The following MRPS9 variants were observed in gnomAD, a reference collection of about 807,000 sequenced individuals.
The protein encoded by MRPS9 is small ribosomal subunit protein uS9m.
Under a neutral mutation model 59.9 loss-of-function variants are expected in MRPS9, and 45 were observed. That is an observed-to-expected ratio of 0.75 (90% CI 0.59 to 0.96). The LOEUF is 0.96. MRPS9 is among the 40% of genes least tolerant of loss of function. The probability of loss-of-function intolerance (pLI) is 0.00; values close to 1 mark genes in which losing one functional copy is unlikely to be tolerated. For synonymous variants in MRPS9, 171 were observed against 166.8 expected, an observed-to-expected ratio of 1.03 and a Z score of -0.19; for missense variants, 473 against 481.1, an observed-to-expected ratio of 0.98 and a Z score of 0.16.
In MRPS9 at chr2:105,043,419, C is replaced by T. The variant is rs147943014; in HGVS notation, c.135+5192C>T. On this transcript the variant is annotated intron_variant, in intron 1 of 10. Transcript: ENST00000258455. ...AGTTGAGAAGACCTAGCTATAGTCC[C>T]GAATAATCTGGGGCACCTGACTCAA... Among the ~76,000 whole-genome samples, 24 of 152,136 alleles carry T rather than the reference C, an allele frequency of 1.6e-4. 1 individual carries two copies. The South Asian group carries it at 3.9e-3, about 25-fold the overall frequency.
intron 2 of MRPS9, among the ~76,000 whole-genome samples, chr2:105,057,866 C>T (rs1400854429): frequency 6.6e-6 from 1 of 152,126 alleles, no homozygotes; most frequent in Non-Finnish European, 1.5e-5. Flanking sequence ...TACAGACTTG[C>T]ACTTGCGTTT....
chr2:105,054,545 G>A (rs887223899), intron 2 of MRPS9, among the ~76,000 whole-genome samples: 10 of 152,120 alleles, frequency 6.6e-5, no homozygotes, highest in Non-Finnish European at 1.3e-4. Context: ...GATCGGCTTC[G>A]CTGACTCTTG....
rs76408758 is a variant in MRPS9 at position 105,043,121 on chromosome 2, C to T, written c.135+4894C>T. Among the ~76,000 whole-genome samples the T allele has an allele frequency of 2.7e-3, 416 of 152,264 alleles. 4 individuals are homozygous for T. Among genetic ancestry groups the T allele is most frequent in the Non-Finnish European group, 4.4e-3 (296 of 68,020 alleles). ...AACAGTAATTTCTTATCATCTATTA[C>T]CTATTTCATGTTCAAATTTCCCTGA... On this transcript the variant is annotated intron_variant, in intron 1 of 10. Transcript: ENST00000258455.
At chr2:105,098,994 C>T (rs1680731967) in intron 10 of MRPS9, among the ~76,000 whole-genome samples, 1 of 152,196 alleles carries the variant, frequency 6.6e-6, no homozygotes, top group Admixed American at 6.5e-5. Flanking sequence ...ATAATCACTC[C>T]TGATGATTGG....
chr2:105,093,627 C>A lies in MRPS9; in HGVS notation c.918C>A (p.Ile306=). Residue 306 remains isoleucine, a synonymous_variant, in exon 9 of 11, where the codon ATC becomes ATA. Coordinates refer to ENST00000258455, the MANE Select transcript of MRPS9 (RefSeq NM_182640.3). ...NGIDYQLYFP[I]TQDREQLMFP... ...TTGATTACCAGCTTTACTTCCCGAT[C>A]ACACAGGACAGGTTCGTTTTGGGTT... is the stretch of plus-strand genomic sequence containing the variant. 1 of 1,591,078 alleles carries A rather than the reference C, an allele frequency of 6.3e-7. No individual in the cohort carries two copies. Among genetic ancestry groups the A allele is most frequent in the South Asian group, 1.1e-5 (1 of 86,980 alleles).
chr2:105,075,745 T>A (rs1343606270), intron 4 of MRPS9, among the ~76,000 whole-genome samples: 1 of 152,196 alleles, frequency 6.6e-6, no homozygotes, highest in African/African-American at 2.4e-5. Context: ...TAATTCTCTG[T>A]GTTAATTGAG....
chr2:105,087,260 A>C (rs1191538553), intron 5 of MRPS9, among the ~76,000 whole-genome samples: 2 of 152,126 alleles, frequency 1.3e-5, no homozygotes. Context: ...CTGCTGCTGC[A>C]GGTGATGGAT....
intron 2 of MRPS9, among the ~76,000 whole-genome samples, chr2:105,054,055 T>C (rs1008453021): frequency 9.2e-5 from 14 of 152,210 alleles, no homozygotes; most frequent in African/African-American, 3.4e-4. Context: ...GAAATGATCT[T>C]GTAGAAAAAT....
intron 2 of MRPS9, among the ~76,000 whole-genome samples, chr2:105,067,932 A>G (rs934440977): frequency 3.3e-5 from 5 of 152,184 alleles, no homozygotes; most frequent in South Asian, 2.1e-4. Flanking sequence ...GGCTCAAGCA[A>G]TCCTCTCACT....
chr2:105,038,850 G>C lies in MRPS9; in HGVS notation c.135+623G>C, dbSNP rs552969355. ...CTCAGAGCAGGAAAAAGATTTGAGA[G>C]GGAAGAAACGAGTTTAGTATGGGAT... is the stretch of plus-strand genomic sequence containing the variant. On this transcript the variant is annotated intron_variant, in intron 1 of 10. Coordinates refer to ENST00000258455, the MANE Select transcript of MRPS9 (RefSeq NM_182640.3). Among the ~76,000 whole-genome samples, 3 of 152,264 alleles carry C rather than the reference G, an allele frequency of 2.0e-5. No individual in the cohort carries two copies. In the South Asian group the frequency reaches 6.2e-4, roughly 32 times the overall value.
chr2:105,055,857 A>G (rs976784831), intron 2 of MRPS9, among the ~76,000 whole-genome samples: 1 of 152,258 alleles, frequency 6.6e-6, no homozygotes, highest in Non-Finnish European at 1.5e-5. Context: ...GAAAACAAAA[A>G]TAATTTATCC....
intron 2 of MRPS9, among the ~76,000 whole-genome samples, chr2:105,061,591 C>A (rs1460247657): frequency 6.6e-6 from 1 of 152,204 alleles, no homozygotes; most frequent in Non-Finnish European, 1.5e-5. Context: ...TAGTGCATCA[C>A]TACCCGCAGC....
intron 5 of MRPS9, 35 bp downstream of exon 5, chr2:105,080,097 C>G (rs754513451): frequency 7.0e-7 from 1 of 1,429,056 alleles, no homozygotes; most frequent in East Asian, 2.4e-5. Context: ...ATAATATGAG[C>G]TGTAAGCTAC....
rs1282583900 is a variant in MRPS9 at position 105,099,955 on chromosome 2, G to A, written c.*194G>A. The A allele has an allele frequency of 8.5e-6, 4 of 471,142 alleles. No homozygotes were observed. The highest frequency in any genetic ancestry group is 3.7e-5 in the Admixed American group (1 of 27,276). 29.2% of individuals were successfully genotyped at this position (471,142 alleles called of 1,614,324 possible). ...AATAAAAGGAAAATAAAGAATGTTAGTTTCATTCTGCCGCTTTATTTTTTT... is the reference window on the plus strand; with the variant it reads ...AATAAAAGGAAAATAAAGAATGTTAATTTCATTCTGCCGCTTTATTTTTTT... On this transcript the variant is annotated 3_prime_UTR_variant, in exon 11 of 11. Transcript: ENST00000258455.
chr2:105,047,067 C>T (rs1293603468), intron 1 of MRPS9, among the ~76,000 whole-genome samples: 3 of 151,820 alleles, frequency 2.0e-5, no homozygotes, highest in Admixed American at 6.6e-5. Context: ...GTGCTGGTGG[C>T]GCTGGGCTGT....
At chr2:105,081,046 A>G (rs1257029575) in intron 5 of MRPS9, among the ~76,000 whole-genome samples, 1 of 152,196 alleles carries the variant, frequency 6.6e-6, no homozygotes. Flanking sequence ...CCGGCTCGGT[A>G]GAGGTTCTCT....
intron 2 of MRPS9, among the ~76,000 whole-genome samples, chr2:105,065,143 G>A (rs1573429717): frequency 6.6e-6 from 1 of 152,302 alleles, no homozygotes; most frequent in South Asian, 2.1e-4. Flanking sequence ...TATTTGTTGA[G>A]TAAAATGTAT....
chr2:105,050,220 A>G (rs1036709082), intron 2 of MRPS9, among the ~76,000 whole-genome samples: 4 of 152,040 alleles, frequency 2.6e-5, no homozygotes, highest in African/African-American at 4.8e-5. Flanking sequence ...GCTCACAGCA[A>G]CCTCTGCCTA....
intron 4 of MRPS9, among the ~76,000 whole-genome samples, chr2:105,075,364 T>G (rs1357157433): frequency 6.6e-6 from 1 of 152,000 alleles, no homozygotes; most frequent in Non-Finnish European, 1.5e-5. Context: ...TAGAACCTGG[T>G]ACCTGTCTGT....
Sources: allele counts gnomAD v4.1 joint callset (sites outside exome capture counted in the v4.1 genomes callset), GRCh38; gene constraint gnomAD v4.1.1; transcripts MANE v1.5; gene names NCBI Gene and HGNC (gene_info 2026-07-23, HGNC 2026-07-21).